The following RABL3 variants were observed in gnomAD, a reference collection of about 807,000 sequenced individuals.
The protein encoded by RABL3 is rab-like protein 3.
In RABL3, 31 loss-of-function variants were observed where a neutral mutation model predicts 31.8. That is an observed-to-expected ratio of 0.97 (90% CI 0.73 to 1.31). The LOEUF (loss-of-function observed/expected upper bound fraction) is 1.31. RABL3 is among the 40% of genes most tolerant of loss of function. The pLI, the probability that RABL3 is intolerant of heterozygous loss-of-function variation, is 0.00. For synonymous variants in RABL3, 97 were observed against 99.9 expected, an observed-to-expected ratio of 0.97 and a Z score of 0.18; for missense variants, 263 against 279.6, an observed-to-expected ratio of 0.94 and a Z score of 0.42.
At chr3:120,716,891 A>T (rs1213443081) in intron 2 of RABL3, among the ~76,000 whole-genome samples, 2 of 152,222 alleles carry the variant, frequency 1.3e-5, no homozygotes, top group Non-Finnish European at 2.9e-5. Flanking sequence ...TGTCCATGAC[A>T]ACTTAAGGTT....
At chr3:120,732,128 A>G (rs1277851336) in intron 1 of RABL3, among the ~76,000 whole-genome samples, 5 of 152,230 alleles carry the variant, frequency 3.3e-5, no homozygotes, top group Non-Finnish European at 4.4e-5. Context: ...AAGTTTTTCT[A>G]TGAGCAGGTG....
At chr3:120,722,891 G>C (rs959112230) in intron 2 of RABL3, among the ~76,000 whole-genome samples, 1 of 151,542 alleles carries the variant, frequency 6.6e-6, no homozygotes, top group Non-Finnish European at 1.5e-5. Context: ...AAAAGAACTA[G>C]AGAAGCAAGA....
chr3:120,698,261 G>A (rs1163354043), intron 5 of RABL3, among the ~76,000 whole-genome samples, 162 bp downstream of exon 5: 1 of 152,208 alleles, frequency 6.6e-6, no homozygotes, highest in African/African-American at 2.4e-5. Context: ...ACATCTCTCA[G>A]TCTAGATATG....
chr3:120,719,860 G>C (rs563858872), intron 2 of RABL3, among the ~76,000 whole-genome samples: 4 of 152,318 alleles, frequency 2.6e-5, no homozygotes, highest in African/African-American at 9.6e-5. Flanking sequence ...CATGCAGCTT[G>C]AGATCTGAGA....
chr3:120,720,326 C>T (rs115945657), intron 2 of RABL3, among the ~76,000 whole-genome samples: 3,245 of 152,278 alleles, frequency 0.021, 55 homozygotes, highest in Middle Eastern at 0.054. Flanking sequence ...TGGAGCAAAG[C>T]TGGATGGAGA....
At chr3:120,717,169 T>A (rs1488015525) in intron 2 of RABL3, among the ~76,000 whole-genome samples, 6 of 151,458 alleles carry the variant, frequency 4.0e-5, no homozygotes, top group Admixed American at 3.3e-4. Flanking sequence ...GGCAGGAGAA[T>A]CGCTTGAACC....
At chr3:120,701,430 T>C (rs1478988385) in intron 4 of RABL3, among the ~76,000 whole-genome samples, 1 of 152,212 alleles carries the variant, frequency 6.6e-6, no homozygotes, top group African/African-American at 2.4e-5. Context: ...GAAACTGTAG[T>C]GTCAAAATGC....
At position 120,685,559 on chromosome 3, in the gene RABL3, T is replaced by C. The variant is rs1218819658; in HGVS notation, c.*4264A>G. ...CAGTAATAAAAATGATAGCAATACA[T>C]GAAAGACAAATACTTGTTTTGCCAA... On this transcript the variant is annotated 3_prime_UTR_variant, in exon 8 of 8. Transcript: ENST00000273375. Among the ~76,000 whole-genome samples, 1 of 152,182 alleles carries C rather than the reference T, an allele frequency of 6.6e-6. No homozygotes were observed. Among genetic ancestry groups the C allele is most frequent in the African/African-American group, 2.4e-5 (1 of 41,434 alleles).
At chr3:120,728,548 G>T (rs1708847941) in intron 2 of RABL3, among the ~76,000 whole-genome samples, 1 of 152,066 alleles carries the variant, frequency 6.6e-6, no homozygotes, top group Non-Finnish European at 1.5e-5. Context: ...CTGAATTTAG[G>T]AAGATGGTTG....
At chr3:120,740,406 G>A (rs766341640) in intron 1 of RABL3, among the ~76,000 whole-genome samples, 3 of 152,000 alleles carry the variant, frequency 2.0e-5, no homozygotes, top group Non-Finnish European at 4.4e-5. Flanking sequence ...GACTACAGGC[G>A]TGCACCACCA....
intron 2 of RABL3, among the ~76,000 whole-genome samples, chr3:120,715,752 C>A (rs1185843924): frequency 6.6e-6 from 1 of 151,436 alleles, no homozygotes; most frequent in African/African-American, 2.4e-5. Context: ...TTTCTTAATA[C>A]TGTTCTGGAA....
chr3:120,696,866 T>C (rs889305518), intron 5 of RABL3, among the ~76,000 whole-genome samples: 3 of 152,088 alleles, frequency 2.0e-5, no homozygotes, highest in South Asian at 4.1e-4. Flanking sequence ...AAATATTCCA[T>C]TGTGGCAGCT....
chr3:120,685,603 T>C lies in RABL3; in HGVS notation c.*4220A>G, dbSNP rs1435942400. Among the ~76,000 whole-genome samples the C allele has an allele frequency of 6.6e-6, 1 of 152,158 alleles. No individual in the cohort carries two copies. The highest frequency in any genetic ancestry group is 1.5e-5 in the Non-Finnish European group (1 of 68,026). ...TTGCCAACAGAAGACATGACAATCA[T>C]CTCATGTTTAATTTGGCATATGTAG... On this transcript the variant is annotated 3_prime_UTR_variant, in exon 8 of 8. Coordinates refer to ENST00000273375, the MANE Select transcript of RABL3 (RefSeq NM_173825.5).
intron 4 of RABL3, among the ~76,000 whole-genome samples, chr3:120,704,607 T>C (rs974165546): frequency 2.6e-5 from 4 of 152,046 alleles, no homozygotes; most frequent in African/African-American, 9.7e-5. Flanking sequence ...AGCACACAGA[T>C]TGAAAAGGAA....
At chr3:120,727,080 GA>G (rs1255635706) in intron 2 of RABL3, among the ~76,000 whole-genome samples, 1 of 151,928 alleles carries the variant, frequency 6.6e-6, no homozygotes, top group Non-Finnish European at 1.5e-5. Context: ...AAAAAAGTCT[GA>G]AAAAAATTAA....
In RABL3 at chr3:120,742,483, C is replaced by A; in HGVS notation, c.25G>T (p.Val9Leu). The A allele has an allele frequency of 1.9e-6, 3 of 1,614,204 alleles. No homozygotes were observed. The highest frequency in any genetic ancestry group is 1.7e-6 in the Non-Finnish European group (2 of 1,180,030). ...TCACCTGAGTCTCCCAACACCAGTA[C>A]CTTCACCCGATCCAGGGACGCCATC... is the stretch of plus-strand genomic sequence containing the variant. Reference protein sequence around the residue: MASLDRVKVLVLGDSGVGK... With the variant: MASLDRVKLLVLGDSGVGK... Residue 9 changes from valine (V) to leucine (L), a missense_variant, in exon 1 of 8, where the codon GTA becomes TTA. Transcript: ENST00000273375.
At chr3:120,742,610 G>C, upstream of RABL3, 1 of 1,154,376 alleles carries the variant, frequency 8.7e-7, no homozygotes, top group Non-Finnish European at 1.3e-6. Flanking sequence ...CACTCGGAGC[G>C]TGACTGTCTT....
intron 2 of RABL3, among the ~76,000 whole-genome samples, chr3:120,715,386 C>A (rs1004456628): frequency 8.6e-5 from 13 of 151,988 alleles, no homozygotes; most frequent in Non-Finnish European, 1.3e-4. Flanking sequence ...AAAAATACAA[C>A]AATTAGCCAG....
At chr3:120,719,908 C>T (rs1310021433) in intron 2 of RABL3, among the ~76,000 whole-genome samples, 2 of 152,204 alleles carry the variant, frequency 1.3e-5, no homozygotes, top group South Asian at 2.1e-4. Context: ...CCCTGACCCC[C>T]GAGTAGCCTA....
Sources: allele counts gnomAD v4.1 joint callset (sites outside exome capture counted in the v4.1 genomes callset), GRCh38; gene constraint gnomAD v4.1.1; transcripts MANE v1.5; gene names NCBI Gene and HGNC (gene_info 2026-07-23, HGNC 2026-07-21).